FBXO42: variants seen among roughly 807,000 people sequenced by gnomAD.
FBXO42 encodes the protein F-box protein 42, also known as F-box only protein 42.
A neutral mutation model predicts 71.7 loss-of-function variants in FBXO42; 12 were observed. The ratio of observed to expected loss-of-function variants is 0.17; its 90% CI spans 0.11 to 0.27. FBXO42 has a LOEUF of 0.27. Ranked by LOEUF, FBXO42 falls within the 10% of genes least tolerant of loss-of-function variation. The pLI, the probability that FBXO42 is intolerant of heterozygous loss-of-function variation, is 1.00. For missense variants in FBXO42, 707 were observed against 911.9 expected, an observed-to-expected ratio of 0.78 and a Z score of 2.89; for synonymous variants, 325 against 327.5, an observed-to-expected ratio of 0.99 and a Z score of 0.08.
chr1:16,292,958 G>A (rs2082094634), intron 4 of FBXO42: 1 of 152,176 alleles, frequency 6.6e-6, no homozygotes, highest in South Asian at 2.1e-4. Flanking sequence ...CAGCCTGGGT[G>A]ACAAAGCAAG....
At chr1:16,332,399 T>C (rs748537635) in intron 1 of FBXO42, among the ~76,000 whole-genome samples, 14 of 152,192 alleles carry the variant, frequency 9.2e-5, no homozygotes, top group Non-Finnish European at 1.5e-4. Context: ...AAAATGCTTA[T>C]GGAATTGATT....
At position 16,251,824 on chromosome 1, in the gene FBXO42, T is replaced by G. The variant is rs1190742076; in HGVS notation, c.1039-39A>C. 1 of 1,564,520 alleles carries G rather than the reference T, an allele frequency of 6.4e-7. No individual in the cohort carries two copies. Among genetic ancestry groups the G allele is most frequent in the African/African-American group, 1.4e-5 (1 of 73,216 alleles). On this transcript the variant is annotated intron_variant, in intron 9 of 9. Coordinates refer to ENST00000375592, the MANE Select transcript of FBXO42 (RefSeq NM_018994.3). The surrounding 1 kb of genome is among the most constrained non-coding windows in gnomAD (Gnocchi z 4.5). ...GACCAGTGCTCACACTCTTCTATGA[T>G]TCTGATTGTTCATTCAACTGTCAAA...
At chr1:16,327,161 T>A (rs2082459042) in intron 1 of FBXO42, among the ~76,000 whole-genome samples, 1 of 152,152 alleles carries the variant, frequency 6.6e-6, no homozygotes, top group Non-Finnish European at 1.5e-5. Flanking sequence ...ATGAAGATCA[T>A]AAAGTACCTT....
At chr1:16,319,878 T>A (rs913836190) in intron 1 of FBXO42, among the ~76,000 whole-genome samples, 4 of 150,984 alleles carry the variant, frequency 2.6e-5, no homozygotes, top group Non-Finnish European at 5.9e-5. Flanking sequence ...GCCACTGCCC[T>A]CTAGCCTGGG....
intron 4 of FBXO42, among the ~76,000 whole-genome samples, chr1:16,260,209 CTTT>C (rs35806590): frequency 1.4e-4 from 18 of 125,390 alleles, no homozygotes; most frequent in Admixed American, 2.4e-4. Context: ...TACTATGCAG[CTTT>C]TTTTTTTTTT....
chr1:16,333,444 C>G (rs938881391), intron 1 of FBXO42, among the ~76,000 whole-genome samples: 16 of 138,320 alleles, frequency 1.2e-4, no homozygotes, highest in Non-Finnish European at 8.1e-5. Context: ...AGACCCCCCC[C>G]CCCCATTTCC....
chr1:16,299,987 T>C (rs185621015), intron 3 of FBXO42, among the ~76,000 whole-genome samples: 174 of 152,262 alleles, frequency 1.1e-3, no homozygotes, highest in African/African-American at 4.1e-3. Flanking sequence ...ACTTTACTTA[T>C]TGCCTATTTT....
intron 3 of FBXO42, among the ~76,000 whole-genome samples, chr1:16,300,092 G>A (rs1219422474): frequency 6.6e-6 from 1 of 152,148 alleles, no homozygotes; most frequent in Non-Finnish European, 1.5e-5. Context: ...AAGAATTTGA[G>A]CAACTCCCAG....
intron 3 of FBXO42, among the ~76,000 whole-genome samples, chr1:16,297,445 C>A (rs1466475743): frequency 6.6e-6 from 1 of 152,082 alleles, no homozygotes; most frequent in African/African-American, 2.4e-5. Context: ...AATAATGGAG[C>A]TGCAGGCTTT....
At chr1:16,333,988 C>G (rs573311848) in intron 1 of FBXO42, among the ~76,000 whole-genome samples, 2 of 152,084 alleles carry the variant, frequency 1.3e-5, no homozygotes, top group Non-Finnish European at 2.9e-5. Flanking sequence ...AATAATAATC[C>G]ATCAGAAACT....
At chr1:16,303,686 G>A (rs2082220458) in intron 3 of FBXO42, among the ~76,000 whole-genome samples, 1 of 151,814 alleles carries the variant, frequency 6.6e-6, no homozygotes, top group South Asian at 2.1e-4. Flanking sequence ...TCCTGCCTCA[G>A]CCTCCTGAGT....
chr1:16,277,487 G>C (rs2081916866), intron 4 of FBXO42, among the ~76,000 whole-genome samples: 1 of 151,566 alleles, frequency 6.6e-6, no homozygotes, highest in Admixed American at 6.6e-5. Context: ...CATTTTGGGG[G>C]GCCGAGGCAA....
intron 4 of FBXO42, among the ~76,000 whole-genome samples, chr1:16,274,565 C>A: frequency 8.1e-6 from 1 of 123,898 alleles, no homozygotes; most frequent in Non-Finnish European, 1.7e-5. Context: ...TGTATATCCC[C>A]CCCCCATACA....
chr1:16,278,853 A>G (rs2081931726), intron 4 of FBXO42, among the ~76,000 whole-genome samples: 1 of 152,012 alleles, frequency 6.6e-6, no homozygotes, highest in Non-Finnish European at 1.5e-5. Context: ...ATCTTGGCTC[A>G]CCACAACCTC....
Position 16,312,292 on chromosome 1 carries a change from A to T in FBXO42, c.250+2877T>A, listed in dbSNP as rs564422068. Among the ~76,000 whole-genome samples, 7 of 152,158 alleles carry T rather than the reference A, an allele frequency of 4.6e-5. No individual in the cohort carries two copies. The East Asian group carries it at 1.4e-3, about 29-fold the overall frequency. ...AGGGAAGATGACTTGAGCCCGGGAG[A>T]CGGAGGTTGCAGTGAGCCAAAATCG... On this transcript the variant is annotated intron_variant, in intron 2 of 9. Coordinates refer to ENST00000375592, the MANE Select transcript of FBXO42 (RefSeq NM_018994.3).
chr1:16,347,980 G>A lies in FBXO42; in HGVS notation c.-18+4275C>T, dbSNP rs562470578. 9.2e-5 allele frequency among the ~76,000 whole-genome samples: 13 copies of A among 141,526 alleles called. No homozygotes were observed. The East Asian group carries it at 1.6e-3, about 18-fold the overall frequency. The allele number at this position is 141,526 out of a possible 152,430, so 92.8% of individuals were successfully genotyped here. ...CTCTATCTAGCCTGGCGACAGACCC[G>A]AGACTCCGTCTCAAAAAAAAAAAAA... On this transcript the variant is annotated intron_variant, in intron 1 of 9. Coordinates refer to ENST00000375592, the MANE Select transcript of FBXO42 (RefSeq NM_018994.3).
At chr1:16,298,830 ACCTTAACTAGTGT>A (rs1304904916) in intron 3 of FBXO42, among the ~76,000 whole-genome samples, 6 of 151,804 alleles carry the variant, frequency 4.0e-5, no homozygotes, top group Admixed American at 2.0e-4. Flanking sequence ...GACTTCTGAA[ACCTTAACTAGTGT>A]CCATTATAAC....
At chr1:16,334,388 G>A (rs755335307) in intron 1 of FBXO42, among the ~76,000 whole-genome samples, 29 of 141,212 alleles carry the variant, frequency 2.1e-4, no homozygotes, top group Non-Finnish European at 3.6e-4. Flanking sequence ...AGCGGAGATC[G>A]AGCCTGGGCG....
At position 16,255,839 on chromosome 1, in the gene FBXO42, G is replaced by C; in HGVS notation, c.657-18C>G. 1 of 1,594,372 alleles carries C rather than the reference G, an allele frequency of 6.3e-7. No homozygotes were observed. The highest frequency in any genetic ancestry group is 2.2e-5 in the East Asian group (1 of 44,710). On this transcript the variant is annotated intron_variant, in intron 5 of 9. Transcript: ENST00000375592. ...AGTTCCACCTAATGTAAAAAGACAG[G>C]AGGAAGTCAAGAAGTCAGCACCACA...
Sources: gnomAD v4.1 joint callset for allele counts (sites outside exome capture counted in the v4.1 genomes callset) on GRCh38, gnomAD v4.1.1 for gene constraint, Gnocchi (gnomAD v3.1) non-coding constraint, MANE v1.5 for transcripts, NCBI Gene and HGNC (gene_info 2026-07-23, HGNC 2026-07-21) for gene names.